Variants in SRFBP1 observed in about 807,000 individuals in gnomAD.
SRFBP1 encodes serum response factor binding protein 1.
A neutral mutation model predicts 45.5 loss-of-function variants in SRFBP1; 47 were observed. The observed-to-expected ratio is 1.03, with a 90% CI of 0.82 to 1.32. SRFBP1 has a LOEUF of 1.32. SRFBP1 is among the 40% of genes most tolerant of loss of function. The pLI, the probability that SRFBP1 is intolerant of heterozygous loss-of-function variation, is 0.00. For synonymous variants in SRFBP1, 203 were observed against 166.3 expected (o/e 1.22, Z -1.70); for missense variants, 621 against 484.6 (o/e 1.28, Z -2.64).
chr5:122,050,923 T>G (rs957251341), intron 2 of SRFBP1, among the ~76,000 whole-genome samples: 1 of 152,216 alleles, frequency 6.6e-6, no homozygotes, highest in African/African-American at 2.4e-5. Flanking sequence ...CTGTCTTATC[T>G]GTGTCCTAGA....
intron 4 of SRFBP1, among the ~76,000 whole-genome samples, chr5:121,996,206 A>G (rs1332522781): frequency 4.1e-5 from 6 of 145,494 alleles, no homozygotes; most frequent in African/African-American, 1.3e-4. Context: ...CAGAGACACA[A>G]CAAAAAAAGA....
intron 2 of SRFBP1, among the ~76,000 whole-genome samples, chr5:122,034,619 C>T (rs1305258621): frequency 6.6e-6 from 1 of 152,064 alleles, no homozygotes; most frequent in Non-Finnish European, 1.5e-5. Flanking sequence ...CAGCACAAAA[C>T]AAATAGCATT....
chr5:122,074,004 C>T, intron 2 of SRFBP1: 1 of 1,603,566 alleles, frequency 6.2e-7, no homozygotes, highest in South Asian at 1.1e-5. Context: ...TTTCAGGGTG[C>T]CAACATACCT....
At chr5:122,077,889 G>T, downstream of SRFBP1, 1 of 1,532,798 alleles carries the variant, frequency 6.5e-7, no homozygotes, top group East Asian at 2.5e-5. The surrounding 1 kb of genome is among the most constrained non-coding windows in gnomAD (Gnocchi z 4.9). Flanking sequence ...GGCGGCTCGC[G>T]CGGGGGCTGC....
chr5:121,991,596 G>A (rs896568550), intron 3 of SRFBP1, among the ~76,000 whole-genome samples: 8 of 152,134 alleles, frequency 5.3e-5, no homozygotes, highest in African/African-American at 1.9e-4. Context: ...CTGAAAGTCA[G>A]TACCTGATTT....
At chr5:122,066,687 T>C in intron 2 of SRFBP1, 1 of 1,478,316 alleles carries the variant, frequency 6.8e-7, no homozygotes, top group Non-Finnish European at 9.4e-7. Flanking sequence ...AGTCTATTTT[T>C]TCCCACTTCA....
chr5:122,035,827 G>A (rs1287398904), intron 2 of SRFBP1, among the ~76,000 whole-genome samples: 2 of 152,044 alleles, frequency 1.3e-5, no homozygotes, highest in Non-Finnish European at 2.9e-5. Flanking sequence ...ACAGGTTCTC[G>A]CTAAGTATAC....
intron 1 of SRFBP1, among the ~76,000 whole-genome samples, chr5:121,962,523 A>G (rs1262834236): frequency 6.6e-6 from 1 of 152,242 alleles, no homozygotes; most frequent in Non-Finnish European, 1.5e-5. Flanking sequence ...GTCTTGAATG[A>G]GACTGTATGC....
At chr5:122,016,902 G>T (rs570578461) in intron 4 of SRFBP1, among the ~76,000 whole-genome samples, 1 of 152,226 alleles carries the variant, frequency 6.6e-6, no homozygotes, top group South Asian at 2.1e-4. Context: ...TCCTAAGGCT[G>T]CCATAACAAA....
At chr5:121,965,694 A>T (rs1014236311) in intron 1 of SRFBP1, among the ~76,000 whole-genome samples, 2 of 152,138 alleles carry the variant, frequency 1.3e-5, no homozygotes, top group Non-Finnish European at 2.9e-5. Flanking sequence ...ATTCCATATG[A>T]ACTTTAAAGT....
intron 1 of SRFBP1, among the ~76,000 whole-genome samples, chr5:121,965,389 G>A (rs1217334032): frequency 6.6e-6 from 1 of 152,166 alleles, no homozygotes; most frequent in African/African-American, 2.4e-5. Context: ...AAGGGGTCCA[G>A]TTTCAGTTTT....
At chr5:122,026,673 A>G (rs1293996138) in intron 7 of SRFBP1, among the ~76,000 whole-genome samples, 12 of 152,110 alleles carry the variant, frequency 7.9e-5, no homozygotes, top group African/African-American at 2.9e-4. Context: ...TTATGTTGTT[A>G]TAAATAAGAC....
downstream of SRFBP1, chr5:122,077,104 G>C: frequency 6.6e-7 from 1 of 1,519,950 alleles, no homozygotes; most frequent in Non-Finnish European, 8.8e-7. This position sits in a 1 kb window ranked among gnomAD's most constrained non-coding sequence, Gnocchi z 4.9. Flanking sequence ...TTCGCCCACC[G>C]GGACTGCAGA....
intron 4 of SRFBP1, among the ~76,000 whole-genome samples, chr5:122,009,533 T>G (rs2112694282): frequency 6.6e-6 from 1 of 152,340 alleles, no homozygotes; most frequent in East Asian, 1.9e-4. Flanking sequence ...AACATAAAGA[T>G]GTGATATTTT....
chr5:121,971,509 G>A (rs1752197420), intron 1 of SRFBP1, among the ~76,000 whole-genome samples: 1 of 151,894 alleles, frequency 6.6e-6, no homozygotes, highest in African/African-American at 2.4e-5. Context: ...GTGAATTTGA[G>A]GTGATTTTGA....
chr5:122,064,157 T>A (rs1754239213), intron 2 of SRFBP1: 1 of 151,996 alleles, frequency 6.6e-6, no homozygotes, highest in African/African-American at 2.4e-5. Flanking sequence ...CTGTCAGTAC[T>A]CAACATTCTT....
chr5:121,974,663 T>G (rs1752265997), intron 2 of SRFBP1, among the ~76,000 whole-genome samples: 1 of 151,928 alleles, frequency 6.6e-6, no homozygotes, highest in African/African-American at 2.4e-5. Flanking sequence ...TATATCACAT[T>G]TTTTCTTGAA....
downstream of SRFBP1, among the ~76,000 whole-genome samples, chr5:122,028,774 T>TAG (rs1396050838): frequency 1.3e-5 from 2 of 152,226 alleles, no homozygotes; most frequent in Non-Finnish European, 2.9e-5. Flanking sequence ...AATGTCTCTG[T>TAG]ACCTACCCAG....
chr5:122,003,769 G>A (rs1474285196), intron 4 of SRFBP1, among the ~76,000 whole-genome samples: 1 of 152,160 alleles, frequency 6.6e-6, no homozygotes, highest in Non-Finnish European at 1.5e-5. Context: ...GGTTAGAGGT[G>A]ATATCTCGTT....
Sources: gnomAD v4.1 joint callset for allele counts (sites outside exome capture counted in the v4.1 genomes callset) on GRCh38, gnomAD v4.1.1 for gene constraint, Gnocchi (gnomAD v3.1) non-coding constraint, MANE v1.5 for transcripts, NCBI Gene and HGNC (gene_info 2026-07-23, HGNC 2026-07-21) for gene names.